The following TCF4 variants were observed in gnomAD, a reference collection of about 807,000 sequenced individuals.
TCF4 encodes the protein SL3-3 enhancer factor 2.
In TCF4, 3 loss-of-function variants were observed where a neutral mutation model predicts 82.1. The ratio of observed to expected loss-of-function variants is 0.04; its 90% confidence interval spans 0.02 to 0.09. TCF4 has a LOEUF of 0.09. TCF4 is among the 10% of genes least tolerant of loss of function. The probability of loss-of-function intolerance (pLI) is 1.00; values close to 1 mark genes in which losing one functional copy is unlikely to be tolerated. For missense variants in TCF4, 518 were observed against 852.7 expected (o/e 0.61, Z 4.89); for synonymous variants, 276 against 309.6 (o/e 0.89, Z 1.14).
At chr18:55,607,166 C>T (rs971215223) in intron 2 of TCF4, among the ~76,000 whole-genome samples, 6 of 152,158 alleles carry the variant, frequency 3.9e-5, no homozygotes, top group South Asian at 2.1e-4. Context: ...TTTTCTCTTA[C>T]GCTTTTCTAA....
intron 9 of TCF4, among the ~76,000 whole-genome samples, chr18:55,277,842 T>G (rs1255207688): frequency 6.6e-6 from 1 of 152,166 alleles, no homozygotes; most frequent in Non-Finnish European, 1.5e-5. Flanking sequence ...CCAATCTCTG[T>G]AAGCTCCTGT....
intron 5 of TCF4, among the ~76,000 whole-genome samples, chr18:55,441,101 A>G (rs927856086): frequency 6.6e-6 from 1 of 152,232 alleles, no homozygotes; most frequent in Non-Finnish European, 1.5e-5. Flanking sequence ...AATATTTGCT[A>G]TGAAAAGCAT....
At position 55,364,596 on chromosome 18, in the gene TCF4, T is replaced by C. The variant is rs1045336566; in HGVS notation, c.370-13593A>G. ...GCGGCAAAAGGCAGAATGAAGATTA[T>C]CTTCATTTCAGAAATCTCTCTTGAA... is the stretch of plus-strand genomic sequence containing the variant. On this transcript the variant is annotated intron_variant, in intron 6 of 19. Transcript: ENST00000354452. Among the ~76,000 whole-genome samples, 9 of 152,208 alleles carry C rather than the reference T, an allele frequency of 5.9e-5. No homozygotes were observed. In the South Asian group the frequency reaches 1.7e-3, roughly 28 times the overall value.
chr18:55,505,600 C>G (rs999438102), intron 3 of TCF4, among the ~76,000 whole-genome samples: 1 of 151,622 alleles, frequency 6.6e-6, no homozygotes, highest in African/African-American at 2.4e-5. Flanking sequence ...GTCAGGAGAT[C>G]GAGACCATCC....
chr18:55,567,355 AG>A (rs992149301), intron 3 of TCF4, among the ~76,000 whole-genome samples: 12 of 152,242 alleles, frequency 7.9e-5, no homozygotes, highest in African/African-American at 2.7e-4. Flanking sequence ...ATAGAAATAC[AG>A]GGAAAAATTT....
intron 2 of TCF4, chr18:55,586,150 GAGGAGCAGCAGC>G (rs1467146779): frequency 7.4e-6 from 9 of 1,222,892 alleles, no homozygotes; most frequent in African/African-American, 6.4e-5. Context: ...GGAGGAGGAG[GAGGAGCAGCAGC>G]AGCAGCAGCA....
At chr18:55,543,703 GA>G (rs1218221244) in intron 3 of TCF4, among the ~76,000 whole-genome samples, 1 of 152,130 alleles carries the variant, frequency 6.6e-6, no homozygotes, top group Admixed American at 6.5e-5. Flanking sequence ...TTACAACCCA[GA>G]AACTAACTGC....
chr18:55,536,900 C>T (rs960892096), intron 3 of TCF4, among the ~76,000 whole-genome samples: 4 of 149,576 alleles, frequency 2.7e-5, no homozygotes, highest in African/African-American at 4.9e-5. Context: ...TTTGGGAGGC[C>T]GAGGAGGGCA....
chr18:55,434,419 C>CTTTTTTT (rs765165999), intron 5 of TCF4, among the ~76,000 whole-genome samples: 18 of 118,178 alleles, frequency 1.5e-4, no homozygotes, highest in African/African-American at 2.0e-4. Flanking sequence ...ACAGGACATT[C>CTTTTTTT]TTTTTTTTTT....
chr18:55,398,525 A>G (rs889537504), intron 6 of TCF4, among the ~76,000 whole-genome samples: 3 of 152,090 alleles, frequency 2.0e-5, no homozygotes, highest in African/African-American at 7.2e-5. Context: ...CAACCCCCCA[A>G]AAAGTCAGAG....
At chr18:55,529,398 T>A (rs192452508) in intron 3 of TCF4, among the ~76,000 whole-genome samples, 1 of 152,130 alleles carries the variant, frequency 6.6e-6, no homozygotes, top group Admixed American at 6.5e-5. Context: ...TTAAAAAATA[T>A]AGTGTGAATC....
chr18:55,477,051 T>G (rs560463958), intron 3 of TCF4, among the ~76,000 whole-genome samples: 2 of 152,334 alleles, frequency 1.3e-5, no homozygotes, highest in Non-Finnish European at 2.9e-5. Flanking sequence ...TGTTACAACT[T>G]GTTCAAATGA....
intron 3 of TCF4, among the ~76,000 whole-genome samples, chr18:55,468,017 C>T (rs531966575): frequency 1.1e-4 from 16 of 152,186 alleles, no homozygotes; most frequent in Non-Finnish European, 2.2e-4. Context: ...GCTGTAAAGA[C>T]TCCCCAGTAA....
intron 6 of TCF4, among the ~76,000 whole-genome samples, chr18:55,379,482 T>C (rs1236063923): frequency 1.3e-5 from 2 of 152,126 alleles, no homozygotes; most frequent in African/African-American, 2.4e-5. Flanking sequence ...AGTGTGTCCC[T>C]GGGAAGCAGA....
At chr18:55,622,224 T>G (rs1302737586) in intron 2 of TCF4, among the ~76,000 whole-genome samples, 3 of 150,562 alleles carry the variant, frequency 2.0e-5, no homozygotes, top group African/African-American at 7.3e-5. Context: ...TAAGAGTAAC[T>G]GTGGCCGGGA....
At chr18:55,536,856 C>T (rs1042735278) in intron 3 of TCF4, among the ~76,000 whole-genome samples, 1 of 152,122 alleles carries the variant, frequency 6.6e-6, no homozygotes, top group Non-Finnish European at 1.5e-5. Flanking sequence ...AGTTTCTGGC[C>T]GGGTGTGGTG....
At chr18:55,617,763 T>C (rs1390270714) in intron 2 of TCF4, among the ~76,000 whole-genome samples, 1 of 151,958 alleles carries the variant, frequency 6.6e-6, no homozygotes, top group Admixed American at 6.6e-5. Flanking sequence ...ACCGGCTCTT[T>C]AATGCTGCTT....
chr18:55,266,004 C>T (rs992338802), intron 11 of TCF4: 1 of 152,144 alleles, frequency 6.6e-6, no homozygotes, highest in East Asian at 1.9e-4. Context: ...CCAGTTCTCT[C>T]TGAGGGCAAG....
At chr18:55,422,612 CT>C in intron 5 of TCF4, 1 of 349,002 alleles carries the variant, frequency 2.9e-6, no homozygotes, top group Non-Finnish European at 4.0e-6. Context: ...GCATCTGGTG[CT>C]TTTAGTGTGT....
Sources: allele counts gnomAD v4.1 joint callset (sites outside exome capture counted in the v4.1 genomes callset), GRCh38; gene constraint gnomAD v4.1.1; transcripts MANE v1.5; gene names NCBI Gene and HGNC (gene_info 2026-07-23, HGNC 2026-07-21).